PDE10A: variants seen among roughly 807,000 people sequenced by gnomAD.
PDE10A encodes phosphodiesterase 10A.
In PDE10A, 39 loss-of-function variants were observed where a neutral mutation model predicts 97.7. That is an observed-to-expected ratio of 0.40 (90% CI 0.31 to 0.52). The LOEUF is 0.52. Ranked by LOEUF, PDE10A falls within the 20% of genes least tolerant of loss-of-function variation. The pLI, the probability that PDE10A is intolerant of heterozygous loss-of-function variation, is 0.56. For missense variants in PDE10A, 731 were observed against 1,047.8 expected (o/e 0.70, Z 4.17); for synonymous variants, 371 against 376.8 (o/e 0.98, Z 0.18).
intron 1 of PDE10A, among the ~76,000 whole-genome samples, chr6:165,696,928 G>A (rs1016434154): frequency 6.6e-6 from 1 of 152,198 alleles, no homozygotes; most frequent in Non-Finnish European, 1.5e-5. Flanking sequence ...GGACTCATCA[G>A]TAAATATGAA....
Position 165,435,278 on chromosome 6 carries a change from C to T in PDE10A, c.1294G>A (p.Ala432Thr). ...ACTAGCAGTGTTTTCCTGGACTTGG[C>T]CACATAAGCAGAGACGGTGGTGCCC... Reference protein sequence around the residue: ...TQGTTVSAYVAKSRKTLLVED... With the variant: ...TQGTTVSAYVTKSRKTLLVED... The change falls in exon 6 of 22, where the codon GCC becomes ACC. Residue 432 changes from alanine (A) to threonine (T), a missense_variant. By Grantham distance (58) the Ala-to-Thr change is moderately conservative. This residue lies in a region of PDE10A where 152 missense variants were observed against 199.3 expected (regional missense o/e 0.76). Coordinates refer to ENST00000539869, the MANE Select transcript of PDE10A (RefSeq NM_001385079.1). 6.2e-7 allele frequency: 1 copy of T among 1,613,942 alleles called. No homozygotes were observed. Among genetic ancestry groups the T allele is most frequent in the Non-Finnish European group, 8.5e-7 (1 of 1,179,880 alleles).
intron 1 of PDE10A, among the ~76,000 whole-genome samples, chr6:165,619,109 G>GTAGTACAGTC (rs1787886475): frequency 7.5e-6 from 1 of 133,330 alleles, no homozygotes; most frequent in Non-Finnish European, 1.7e-5. Flanking sequence ...GTAGTCTAGT[G>GTAGTACAGTC]TAGTGTAGTC....
intron 18 of PDE10A, among the ~76,000 whole-genome samples, chr6:165,343,861 G>A (rs532570119): frequency 1.4e-4 from 21 of 152,286 alleles, no homozygotes; most frequent in African/African-American, 4.8e-4. Flanking sequence ...TGGAAATTTA[G>A]AGTGGGAAGA....
At chr6:165,664,571 T>C (rs1790448302), upstream of PDE10A, among the ~76,000 whole-genome samples, 1 of 152,182 alleles carries the variant, frequency 6.6e-6, no homozygotes, top group African/African-American at 2.4e-5. Context: ...CCTGTGACTC[T>C]TACCTTAGGG....
At chr6:165,601,815 C>T (rs538854393) in intron 1 of PDE10A, among the ~76,000 whole-genome samples, 1 of 152,204 alleles carries the variant, frequency 6.6e-6, no homozygotes, top group Non-Finnish European at 1.5e-5. Flanking sequence ...ATTACATAGC[C>T]TCCTCTCAAA....
rs11964908 is a variant in PDE10A at position 165,607,942 on chromosome 6, G to T, written c.865+54005C>A. 1.6e-3 allele frequency among the ~76,000 whole-genome samples: 242 copies of T among 151,968 alleles called. 3 individuals carry two copies. Among genetic ancestry groups the T allele is most frequent in the African/African-American group, 5.5e-3 (228 of 41,436 alleles). On this transcript the variant is annotated intron_variant, in intron 1 of 21. Transcript: ENST00000539869. The stretch of plus-strand genomic sequence containing the variant: ...CGCTGAGTTTGCAGAGAACAGAAGG[G>T]GAACGACCCACATGACTCTGAGCTG...
intron 1 of PDE10A, among the ~76,000 whole-genome samples, chr6:165,857,912 T>C (rs1416986869): frequency 6.6e-6 from 1 of 152,166 alleles, no homozygotes; most frequent in Non-Finnish European, 1.5e-5. Context: ...ACAAAAAAAC[T>C]AGGGTTGGCA....
chr6:165,734,963 TA>T (rs1792528585), intron 1 of PDE10A, among the ~76,000 whole-genome samples: 2 of 143,580 alleles, frequency 1.4e-5, no homozygotes, highest in African/African-American at 3.0e-5. Flanking sequence ...GATAGATAGA[TA>T]GATAGATAGA....
intron 1 of PDE10A, among the ~76,000 whole-genome samples, chr6:165,641,986 T>C (rs750637685): frequency 1.3e-5 from 2 of 150,742 alleles, no homozygotes; most frequent in East Asian, 2.0e-4. Flanking sequence ...CTGGTTTCCT[T>C]TGACGCCCAT....
At chr6:165,870,237 T>A (rs1382836300) in intron 1 of PDE10A, among the ~76,000 whole-genome samples, 1 of 152,082 alleles carries the variant, frequency 6.6e-6, no homozygotes, top group African/African-American at 2.4e-5. Flanking sequence ...TGTAAGGAAC[T>A]CAAACAACTT....
chr6:165,404,324 C>A (rs1319867222), intron 13 of PDE10A, among the ~76,000 whole-genome samples: 1 of 152,204 alleles, frequency 6.6e-6, no homozygotes, highest in Admixed American at 6.5e-5. Context: ...AAGGTCCATG[C>A]AGGATGAGAC....
chr6:165,973,207 TCAGGAGTTCGAGAC>T (rs1784744468), intron 1 of PDE10A, among the ~76,000 whole-genome samples: 1 of 152,040 alleles, frequency 6.6e-6, no homozygotes, highest in African/African-American at 2.4e-5. Flanking sequence ...TCACATGAGG[TCAGGAGTTCGAGAC>T]CAGCCTGGCC....
rs751101366 is a variant in PDE10A at position 165,661,547 on chromosome 6, G to A, written c.865+400C>T. 2 of 167,292 alleles carry A rather than the reference G, an allele frequency of 1.2e-5. No homozygotes were observed. The highest frequency in any genetic ancestry group is 1.3e-5 in the Non-Finnish European group (1 of 78,260). 10.4% of individuals were successfully genotyped at this position (167,292 alleles called of 1,614,324 possible). ...AGTGGAAGGAAGCGCATCTGCTCCA[G>A]CCAAGTGGCCACAGGCTCAAGAGGG... On this transcript the variant is annotated intron_variant, in intron 1 of 21. Coordinates refer to ENST00000539869, the MANE Select transcript of PDE10A (RefSeq NM_001385079.1). The surrounding 1 kb of genome is among the most constrained non-coding windows in gnomAD (Gnocchi z 4.8).
chr6:165,368,803 G>A (rs1230556921), intron 18 of PDE10A, among the ~76,000 whole-genome samples: 2 of 152,260 alleles, frequency 1.3e-5, no homozygotes, highest in East Asian at 1.9e-4. Flanking sequence ...CCTGACCCCT[G>A]AGCAGCCTAA....
At chr6:165,799,723 CAAAT>C (rs1483006053) in intron 1 of PDE10A, among the ~76,000 whole-genome samples, 1 of 152,140 alleles carries the variant, frequency 6.6e-6, no homozygotes, top group Non-Finnish European at 1.5e-5. Context: ...AGACTTATAA[CAAAT>C]AAGTTCAGTA....
intron 1 of PDE10A, among the ~76,000 whole-genome samples, chr6:165,552,666 G>T (rs1479747979): frequency 2.0e-5 from 3 of 152,124 alleles, no homozygotes; most frequent in Non-Finnish European, 2.9e-5. Context: ...GTCTCTCCTG[G>T]ATTTCACCCA....
At chr6:165,798,681 T>A (rs1778893251) in intron 1 of PDE10A, among the ~76,000 whole-genome samples, 1 of 151,630 alleles carries the variant, frequency 6.6e-6, no homozygotes, top group Admixed American at 6.6e-5. Flanking sequence ...TTTAATGATA[T>A]TAATCATCGA....
intron 1 of PDE10A, among the ~76,000 whole-genome samples, chr6:165,865,816 T>G (rs1164482901): frequency 6.6e-6 from 1 of 152,142 alleles, no homozygotes; most frequent in Non-Finnish European, 1.5e-5. Context: ...ATTTGAATTT[T>G]GGGAGTTCCA....
chr6:165,801,738 G>A (rs1778993664), intron 1 of PDE10A, among the ~76,000 whole-genome samples: 1 of 152,170 alleles, frequency 6.6e-6, no homozygotes, highest in African/African-American at 2.4e-5. Flanking sequence ...TGGACAATTG[G>A]TTCTAAGATT....
Sources: allele counts gnomAD v4.1 joint callset (sites outside exome capture counted in the v4.1 genomes callset), GRCh38; gene constraint gnomAD v4.1.1; regional missense constraint gnomAD v4.1.1; non-coding constraint Gnocchi (gnomAD v3.1); transcripts MANE v1.5; gene names NCBI Gene and HGNC (gene_info 2026-07-23, HGNC 2026-07-21).